Variants in KCNIP1 observed in about 807,000 individuals in gnomAD.
The protein encoded by KCNIP1 is potassium voltage-gated channel interacting protein 1.
Under a neutral mutation model 33.0 loss-of-function variants are expected in KCNIP1, and 18 were observed. The observed-to-expected ratio is 0.55, with a 90% CI of 0.38 to 0.81. The LOEUF (loss-of-function observed/expected upper bound fraction) is 0.81, where lower values mean the gene tolerates loss of function less well. KCNIP1 is among the 30% of genes least tolerant of loss of function. The probability of loss-of-function intolerance (pLI) is 0.00; values close to 1 mark genes in which losing one functional copy is unlikely to be tolerated. For missense variants in KCNIP1, 238 were observed against 271.6 expected, an observed-to-expected ratio of 0.88 and a Z score of 0.87; for synonymous variants, 93 against 98.3, an observed-to-expected ratio of 0.95 and a Z score of 0.32.
intron 1 of KCNIP1, chr5:170,378,976 G>T: frequency 6.2e-7 from 1 of 1,613,148 alleles, no homozygotes. Flanking sequence ...TAGGAGCACT[G>T]TGGGGAGAAA....
At chr5:170,433,946 C>G (rs1304413350) in intron 1 of KCNIP1, among the ~76,000 whole-genome samples, 3 of 152,210 alleles carry the variant, frequency 2.0e-5, no homozygotes, top group African/African-American at 7.2e-5. Flanking sequence ...GCAGAGGGGC[C>G]TCCTGCTCAC....
At chr5:170,470,808 C>T (rs771127750) in intron 1 of KCNIP1, among the ~76,000 whole-genome samples, 1 of 152,166 alleles carries the variant, frequency 6.6e-6, no homozygotes, top group Non-Finnish European at 1.5e-5. Context: ...CAGAAAAGAA[C>T]GTTAGCTCTT....
chr5:170,365,556 T>C (rs1763637872), intron 1 of KCNIP1, among the ~76,000 whole-genome samples: 1 of 152,206 alleles, frequency 6.6e-6, no homozygotes, highest in Admixed American at 6.5e-5. Context: ...TGGTTTCCAG[T>C]GTGCTCTGCT....
At chr5:170,393,056 A>G (rs1393356349) in intron 1 of KCNIP1, among the ~76,000 whole-genome samples, 1 of 152,214 alleles carries the variant, frequency 6.6e-6, no homozygotes, top group Non-Finnish European at 1.5e-5. Context: ...AGCACAAGGC[A>G]AAGTGATTTT....
At chr5:170,487,520 ACTT>A (rs1757123187) in intron 1 of KCNIP1, among the ~76,000 whole-genome samples, 2 of 146,358 alleles carry the variant, frequency 1.4e-5, no homozygotes, top group South Asian at 4.4e-4. Flanking sequence ...TAGTCACGGA[ACTT>A]TTTTTTTTTT....
chr5:170,406,646 G>A (rs1275326736), intron 1 of KCNIP1, among the ~76,000 whole-genome samples: 1 of 152,182 alleles, frequency 6.6e-6, no homozygotes, highest in Non-Finnish European at 1.5e-5. Flanking sequence ...CAGGAAAGCG[G>A]TTTATTTCTC....
chr5:170,566,276 A>AG (rs1757202723), intron 1 of KCNIP1, among the ~76,000 whole-genome samples: 1 of 152,158 alleles, frequency 6.6e-6, no homozygotes, highest in African/African-American at 2.4e-5. Context: ...TTTGTTTTGT[A>AG]GAGACAGGGT....
rs913308463 is a variant in KCNIP1, at chr5:170,563,885, G to A, written c.61+59252G>A. Among the ~76,000 whole-genome samples, 3 of 152,120 alleles carry A rather than the reference G, an allele frequency of 2.0e-5. 1 individual carries two copies. Among genetic ancestry groups the A allele is most frequent in the South Asian group, 4.1e-4 (2 of 4,830 alleles). The stretch of plus-strand genomic sequence containing the variant: ...CAACTCCTGACCTTGTGATCAGCCC[G>A]CCTGAGCCTCCCAAAGTGCTGGGAT... On this transcript the variant is annotated intron_variant, in intron 1 of 7. Transcript: ENST00000328939.
chr5:170,449,864 T>C (rs188285820), intron 1 of KCNIP1, among the ~76,000 whole-genome samples: 3 of 152,146 alleles, frequency 2.0e-5, no homozygotes, highest in East Asian at 3.9e-4. Flanking sequence ...TCTCTACTTG[T>C]AGGAGTTCAG....
At chr5:170,478,412 G>A (rs898493417) in intron 1 of KCNIP1, among the ~76,000 whole-genome samples, 4 of 152,278 alleles carry the variant, frequency 2.6e-5, no homozygotes, top group Admixed American at 6.5e-5. Context: ...AAGCTTCCCC[G>A]GCCTTCCAGT....
intron 1 of KCNIP1, among the ~76,000 whole-genome samples, chr5:170,588,205 A>G (rs13178214): frequency 6.6e-6 from 1 of 152,194 alleles, no homozygotes; most frequent in Non-Finnish European, 1.5e-5. Context: ...ACTTTCTCGG[A>G]TGGACAATTT....
At chr5:170,491,868 G>C (rs7710817) in intron 1 of KCNIP1, among the ~76,000 whole-genome samples, 1 of 151,992 alleles carries the variant, frequency 6.6e-6, no homozygotes. Context: ...TCCGTGGGCC[G>C]TCTGTGAAAA....
At chr5:170,642,790 T>G (rs1419894761) in intron 1 of KCNIP1, among the ~76,000 whole-genome samples, 1 of 152,134 alleles carries the variant, frequency 6.6e-6, no homozygotes, top group Non-Finnish European at 1.5e-5. Context: ...AAACCAATAT[T>G]CCACATAATG....
intron 5 of KCNIP1, 45 bp from the exon 6 acceptor site, chr5:170,732,755 G>T: frequency 7.7e-7 from 1 of 1,297,222 alleles, no homozygotes; most frequent in South Asian, 1.2e-5. Flanking sequence ...GGAAGAGCTT[G>T]ACCTCATGGT....
At chr5:170,508,102 A>G in intron 1 of KCNIP1, among the ~76,000 whole-genome samples, 1 of 152,202 alleles carries the variant, frequency 6.6e-6, no homozygotes. Flanking sequence ...TAGGGACAAC[A>G]TCACTAGACC....
Position 170,482,808 on chromosome 5 carries a change from T to C in KCNIP1, c.88+128844T>C, listed in dbSNP as rs1423308182. ...AATTATAATAACTTCCACAGCCTTC[T>C]TCCACCAATTCTGCCTTCCACTGAA... On this transcript the variant is annotated intron_variant, in intron 1 of 7. Coordinates refer to the KCNIP1 transcript ENST00000377360. 3.9e-5 allele frequency among the ~76,000 whole-genome samples: 6 copies of C among 152,192 alleles called. No homozygotes were observed. In the East Asian group the frequency reaches 1.2e-3, roughly 29 times the overall value.
chr5:170,689,521 A>G (rs946096571), intron 1 of KCNIP1, among the ~76,000 whole-genome samples: 4 of 152,264 alleles, frequency 2.6e-5, no homozygotes, highest in Non-Finnish European at 5.9e-5. Flanking sequence ...ACCACAAAAC[A>G]GAGATTCATG....
intron 1 of KCNIP1, among the ~76,000 whole-genome samples, chr5:170,482,665 G>A (rs1224548912): frequency 6.6e-6 from 1 of 152,200 alleles, no homozygotes; most frequent in East Asian, 1.9e-4. Context: ...TGTCTTTGCT[G>A]AGGCTTGGGT....
intron 1 of KCNIP1, among the ~76,000 whole-genome samples, chr5:170,416,056 A>C (rs1172862035): frequency 6.6e-6 from 1 of 151,968 alleles, no homozygotes; most frequent in African/African-American, 2.4e-5. Flanking sequence ...GAGGGGTGCA[A>C]ACTCAGTTCC....
Sources: allele counts gnomAD v4.1 joint callset (sites outside exome capture counted in the v4.1 genomes callset), GRCh38; gene constraint gnomAD v4.1.1; transcripts MANE v1.5; gene names NCBI Gene and HGNC (gene_info 2026-07-23, HGNC 2026-07-21).